The following KLF3 variants were observed in gnomAD, a reference collection of about 807,000 sequenced individuals.
KLF3 encodes Krueppel-like factor 3.
Under a neutral mutation model 32.7 loss-of-function variants are expected in KLF3, and 6 were observed. The ratio of observed to expected loss-of-function variants is 0.18; its 90% CI spans 0.10 to 0.36. The LOEUF is 0.36. KLF3 is among the 10% of genes least tolerant of loss of function. The pLI, the probability that KLF3 is intolerant of heterozygous loss-of-function variation, is 1.00. For synonymous variants in KLF3, 145 were observed against 172.8 expected, an observed-to-expected ratio of 0.84 and a Z score of 1.26; for missense variants, 338 against 449.7, an observed-to-expected ratio of 0.75 and a Z score of 2.25.
At position 38,689,781 on chromosome 4, in the gene KLF3, A is replaced by G. The variant is rs781576441; in HGVS notation, c.597A>G (p.Ile199Met). 12 of 1,610,500 alleles carry G rather than the reference A, an allele frequency of 7.5e-6. No individual in the cohort carries two copies. The South Asian group carries it at 1.3e-4, about 18-fold the overall frequency. ...CTATATCACAGAAAAAAATTAAAAT[A>G]GAACCTGGGATCGAACCACAGAGGA... ...EKPISQKKIKIEPGIEPQRTD... is the reference protein window; with the variant it reads ...EKPISQKKIKMEPGIEPQRTD... The change falls in exon 4 of 6, where the codon ATA becomes ATG. Residue 199 changes from isoleucine to methionine, a missense_variant. Physicochemically the swap from Ile to Met is conservative, Grantham distance 10 (BLOSUM62 1). Around this residue, in one of 2 missense-constraint regions of KLF3, gnomAD observed 272 missense variants for 313.4 expected, o/e 0.87. Coordinates refer to ENST00000261438, the MANE Select transcript of KLF3 (RefSeq NM_016531.6).
intron 2 of KLF3, among the ~76,000 whole-genome samples, chr4:38,685,236 C>T (rs1255010328): frequency 1.3e-5 from 2 of 152,136 alleles, no homozygotes; most frequent in Non-Finnish European, 2.9e-5. Context: ...CTTGTGTGTG[C>T]CACCCAAATA....
intron 5 of KLF3, among the ~76,000 whole-genome samples, chr4:38,695,240 G>C (rs1442819766): frequency 6.6e-6 from 1 of 152,332 alleles, no homozygotes; most frequent in East Asian, 1.9e-4. Context: ...CTTCCTGTGA[G>C]CTATTTCACA....
At chr4:38,675,390 T>TCCCC (rs11429183) in intron 1 of KLF3, among the ~76,000 whole-genome samples, 70 of 151,556 alleles carry the variant, frequency 4.6e-4, no homozygotes, top group African/African-American at 1.6e-3. Context: ...ATTTTGCCCT[T>TCCCC]CCCCCCCCTT....
chr4:38,680,777 G>A (rs921911116), intron 2 of KLF3, 95 bp downstream of exon 2: 76 of 1,054,526 alleles, frequency 7.2e-5, no homozygotes, highest in Admixed American at 2.3e-4. Context: ...ATGGCCGGGC[G>A]TGGTGGCTCA....
intron 1 of KLF3, among the ~76,000 whole-genome samples, chr4:38,678,844 G>A (rs1243675239): frequency 6.6e-6 from 1 of 152,146 alleles, no homozygotes; most frequent in Non-Finnish European, 1.5e-5. Flanking sequence ...GGTGATCTAT[G>A]AAGACCTTAC....
rs1243761130 is a variant in KLF3 at position 38,700,233 on chromosome 4, C to T, written c.*2970C>T. The T allele has an allele frequency of 1.3e-5, 2 of 152,132 alleles. No individual in the cohort carries two copies. Among genetic ancestry groups the T allele is most frequent in the Non-Finnish European group, 2.9e-5 (2 of 68,022 alleles). The allele number at this position is 152,132 out of a possible 1,614,324, so 9.4% of individuals were successfully genotyped here. Reference sequence around the variant, plus strand: ...CTAAATACACAGAAGTTTCAAGAGCCTTGGAACAGAATTACAGGGGAACTA... The same window carrying T: ...CTAAATACACAGAAGTTTCAAGAGCTTTGGAACAGAATTACAGGGGAACTA... On this transcript the variant is annotated 3_prime_UTR_variant, in exon 6 of 6. Coordinates refer to ENST00000261438, the MANE Select transcript of KLF3 (RefSeq NM_016531.6).
intron 5 of KLF3, among the ~76,000 whole-genome samples, chr4:38,696,186 GAA>G (rs57996051): frequency 0.11 from 10,848 of 99,058 alleles, 1,251 homozygotes; most frequent in African/African-American, 0.34. Flanking sequence ...TTAGATGTAG[GAA>G]AAAAAAAAAA....
intron 4 of KLF3, among the ~76,000 whole-genome samples, chr4:38,691,371 ACT>A (rs534418208): frequency 2.3e-4 from 35 of 152,212 alleles, no homozygotes; most frequent in African/African-American, 7.9e-4. Context: ...GGTGGAATTA[ACT>A]CTTTTTTTAT....
At chr4:38,681,240 A>G (rs1352198431) in intron 2 of KLF3, among the ~76,000 whole-genome samples, 3 of 152,190 alleles carry the variant, frequency 2.0e-5, no homozygotes, top group African/African-American at 7.2e-5. Context: ...CATAGAACTT[A>G]GGCCACAGGT....
intron 1 of KLF3, among the ~76,000 whole-genome samples, chr4:38,670,817 T>C (rs1486995338): frequency 6.6e-6 from 1 of 152,284 alleles, no homozygotes; most frequent in Non-Finnish European, 1.5e-5. Flanking sequence ...TATCCTAGCA[T>C]GTGAGAAGTG....
intron 1 of KLF3, among the ~76,000 whole-genome samples, chr4:38,673,427 G>A (rs1722257196): frequency 6.6e-6 from 1 of 152,226 alleles, no homozygotes. Context: ...CTTCATAGAG[G>A]AGAATTGTGA....
Position 38,689,869 on chromosome 4 carries a change from T to C in KLF3, c.685T>C (p.Leu229=), listed in dbSNP as rs375893630. Residue 229 remains leucine (L), a synonymous_variant, in exon 4 of 6, where the codon TTG becomes CTG. Coordinates refer to ENST00000261438, the MANE Select transcript of KLF3 (RefSeq NM_016531.6). The part of the protein sequence containing the change: ...LMNSVSPPQA[L]LQENHPSVIV... ...GAACTCAGTGTCCCCCCCGCAAGCA[T>C]TGTTGCAAGAGTAAGTATATTTAGG... The C allele has an allele frequency of 2.1e-5, 27 of 1,280,166 alleles. No individual in the cohort carries two copies. Among genetic ancestry groups the C allele is most frequent in the East Asian group, 4.7e-5 (1 of 21,290 alleles). The allele number at this position is 1,280,166 out of a possible 1,614,324, so 79.3% of individuals were successfully genotyped here.
intron 4 of KLF3, among the ~76,000 whole-genome samples, chr4:38,694,286 A>G (rs1052408471): frequency 1.3e-5 from 2 of 152,192 alleles, no homozygotes; most frequent in Admixed American, 1.3e-4. Context: ...TCCCTAGCCA[A>G]CAATAATGAA....
chr4:38,689,589 C>A, intron 3 of KLF3, 140 bp from the exon 4 acceptor site: 1 of 610,358 alleles, frequency 1.6e-6, no homozygotes, highest in Non-Finnish European at 2.8e-6. Flanking sequence ...GAATCTCCCA[C>A]AGATTTGTTC....
At chr4:38,678,302 CATG>C (rs1348898712) in intron 1 of KLF3, among the ~76,000 whole-genome samples, 1 of 152,122 alleles carries the variant, frequency 6.6e-6, no homozygotes, top group East Asian at 1.9e-4. Context: ...TTCTTAGAAC[CATG>C]TTCATCCGTA....
intron 2 of KLF3, among the ~76,000 whole-genome samples, chr4:38,687,838 A>G (rs1055902924): frequency 2.0e-5 from 3 of 152,190 alleles, no homozygotes; most frequent in Admixed American, 2.0e-4. Context: ...GGTGGCCTTC[A>G]GTACAAAGGT....
intron 1 of KLF3, among the ~76,000 whole-genome samples, chr4:38,666,837 C>G (rs1454758763): frequency 6.6e-6 from 1 of 152,142 alleles, no homozygotes; most frequent in Non-Finnish European, 1.5e-5. Context: ...GTGGGGTACC[C>G]CAATTGTAAT....
At chr4:38,680,216 T>C (rs959490337) in intron 1 of KLF3, among the ~76,000 whole-genome samples, 19 of 151,952 alleles carry the variant, frequency 1.3e-4, no homozygotes, top group African/African-American at 4.6e-4. Context: ...TATTTATTTA[T>C]TTATGTTTTT....
At position 38,674,261 on chromosome 4, in the gene KLF3, T is replaced by C. The variant is rs1722277376; in HGVS notation, c.-39-6326T>C. On this transcript the variant is annotated intron_variant, in intron 1 of 5. Transcript: ENST00000261438. The surrounding 1 kb of genome is among the most constrained non-coding windows in gnomAD (Gnocchi z 4.1). ...ATCTGTTGCCTGTCCCCTGTATTTC[T>C]GGCTAGGGCAACTGTCCTTAAATAA... 2.0e-5 allele frequency among the ~76,000 whole-genome samples: 3 copies of C among 152,184 alleles called. No homozygotes were observed. The highest frequency in any genetic ancestry group is 2.4e-5 in the African/African-American group (1 of 41,446).
Sources: gnomAD v4.1 joint callset for allele counts (sites outside exome capture counted in the v4.1 genomes callset) on GRCh38, gnomAD v4.1.1 for gene constraint, gnomAD v4.1.1 regional missense constraint, Gnocchi (gnomAD v3.1) non-coding constraint, MANE v1.5 for transcripts, NCBI Gene and HGNC (gene_info 2026-07-23, HGNC 2026-07-21) for gene names.